Variants in DIS3L2 observed in about 807,000 individuals in gnomAD.
The protein encoded by DIS3L2 is DIS3-like exonuclease 2.
Under a neutral mutation model 97.5 loss-of-function variants are expected in DIS3L2, and 34 were observed. The observed-to-expected ratio is 0.35, with a 90% CI of 0.27 to 0.46. DIS3L2 has a LOEUF of 0.46. Ranked by LOEUF, DIS3L2 falls within the 20% of genes least tolerant of loss-of-function variation. The pLI is 1.00. For missense variants in DIS3L2, 1,038 were observed against 1,146.0 expected (o/e 0.91, Z 1.36); for synonymous variants, 435 against 445.2 (o/e 0.98, Z 0.29).
intron 11 of DIS3L2, among the ~76,000 whole-genome samples, chr2:232,245,006 G>A (rs1184243459): frequency 6.6e-6 from 1 of 152,212 alleles, no homozygotes; most frequent in Non-Finnish European, 1.5e-5. Flanking sequence ...GATAGTAGAA[G>A]TGAGGGAAAT....
At chr2:232,247,482 T>C (rs2106262200) in intron 11 of DIS3L2, among the ~76,000 whole-genome samples, 1 of 152,150 alleles carries the variant, frequency 6.6e-6, no homozygotes, top group East Asian at 1.9e-4. Flanking sequence ...TGTCTCTTTC[T>C]TGTCTTATAA....
intron 12 of DIS3L2, among the ~76,000 whole-genome samples, chr2:232,257,301 T>C (rs895243646): frequency 6.6e-6 from 1 of 152,156 alleles, no homozygotes; most frequent in Admixed American, 6.5e-5. Flanking sequence ...ACTAGGACCT[T>C]CCCTAGCAAG....
intron 5 of DIS3L2, among the ~76,000 whole-genome samples, chr2:232,030,634 A>G (rs1055829715): frequency 6.6e-6 from 1 of 152,168 alleles, no homozygotes; most frequent in Non-Finnish European, 1.5e-5. Context: ...GTCTCCATCT[A>G]TGTCTGTTAA....
In DIS3L2 at chr2:232,329,864, C is replaced by T. The variant is rs1394992351; in HGVS notation, c.1791C>T (p.Ile597=). 6.8e-7 allele frequency: 1 copy of T among 1,473,006 alleles called. No individual in the cohort carries two copies. Among genetic ancestry groups the T allele is most frequent in the Admixed American group, 1.9e-5 (1 of 54,046 alleles). 91.2% of individuals were successfully genotyped at this position (1,473,006 alleles called of 1,614,324 possible). The change falls in exon 15 of 21, where the codon ATC becomes ATT. Residue 597 remains isoleucine (I), a synonymous_variant. Transcript: ENST00000325385. ...CCAACATGGCAGTGGCCCACAAGAT[C>T]CACCGCGCCTTCCCCGAGCAGGCCC... ...LLANMAVAHK[I]HRAFPEQALL... is the part of the protein sequence containing the mutation.
At chr2:232,041,876 A>G (rs965241681) in intron 5 of DIS3L2, among the ~76,000 whole-genome samples, 5 of 152,210 alleles carry the variant, frequency 3.3e-5, no homozygotes, top group Non-Finnish European at 7.4e-5. Flanking sequence ...TTTCTCCCAC[A>G]TGTATTTGTG....
intron 5 of DIS3L2, among the ~76,000 whole-genome samples, chr2:232,072,899 G>A (rs1022978442): frequency 2.0e-5 from 3 of 151,236 alleles, no homozygotes; most frequent in African/African-American, 7.3e-5. Context: ...GACTGCACAG[G>A]GATTTTGGGC....
chr2:231,974,536 G>T (rs1693019720), intron 1 of DIS3L2, among the ~76,000 whole-genome samples: 1 of 142,116 alleles, frequency 7.0e-6, no homozygotes. Context: ...AGTTTAATTT[G>T]GATCTTTTTT....
intron 5 of DIS3L2, among the ~76,000 whole-genome samples, chr2:232,046,810 TTTTA>T (rs1278563216): frequency 5.3e-5 from 8 of 151,702 alleles, no homozygotes; most frequent in Middle Eastern, 3.4e-3. Flanking sequence ...GGGGAGATCA[TTTTA>T]TTTATTTATT....
Position 232,087,710 on chromosome 2 carries a change from T to C in DIS3L2, c.590T>C (p.Val197Ala). The change falls in exon 6 of 21, where the codon GTT becomes GCT. Residue 197 changes from valine (V) to alanine (A), a missense_variant. Val to Ala is a moderately conservative substitution (Grantham distance 64). This residue lies in a region of DIS3L2 where 813 missense variants were observed against 880.1 expected (regional missense o/e 0.92). Coordinates refer to ENST00000325385, the MANE Select transcript of DIS3L2 (RefSeq NM_152383.5). ...VDGVKKLSVC[V>A]SEKGREDGDA... ...GGTGTTAAGAAACTCTCAGTTTGTG[T>C]TTCTGAGAAAGGTGAGTACTAGACT... 6.2e-7 allele frequency: 1 copy of C among 1,613,904 alleles called. No individual in the cohort carries two copies. The highest frequency in any genetic ancestry group is 8.5e-7 in the Non-Finnish European group (1 of 1,179,806).
chr2:231,990,943 G>A (rs1457343510), intron 1 of DIS3L2, among the ~76,000 whole-genome samples: 1 of 152,042 alleles, frequency 6.6e-6, no homozygotes, highest in African/African-American at 2.4e-5. Context: ...TCAGAAGCGA[G>A]AGAAAGTTTA....
At chr2:232,030,633 T>C (rs1275081897) in intron 5 of DIS3L2, among the ~76,000 whole-genome samples, 1 of 152,214 alleles carries the variant, frequency 6.6e-6, no homozygotes, top group African/African-American at 2.4e-5. Context: ...GGTCTCCATC[T>C]ATGTCTGTTA....
At chr2:232,073,850 T>C (rs1696107578) in intron 5 of DIS3L2, among the ~76,000 whole-genome samples, 1 of 152,232 alleles carries the variant, frequency 6.6e-6, no homozygotes, top group African/African-American at 2.4e-5. Flanking sequence ...TAGATCCTGG[T>C]AGGTTTGAAT....
intron 5 of DIS3L2, among the ~76,000 whole-genome samples, chr2:232,067,230 T>G (rs796604069): frequency 1.8e-4 from 28 of 152,332 alleles, no homozygotes; most frequent in African/African-American, 6.5e-4. Flanking sequence ...AAGGTGAAGC[T>G]TGGCTAATTG....
downstream of DIS3L2, among the ~76,000 whole-genome samples, chr2:232,342,023 C>T (rs182555419): frequency 9.9e-4 from 151 of 152,088 alleles, no homozygotes; most frequent in African/African-American, 2.2e-3. Flanking sequence ...AAAATATAGA[C>T]GATAGATGAT....
chr2:232,298,026 T>G (rs1694763723), intron 13 of DIS3L2, among the ~76,000 whole-genome samples: 1 of 152,214 alleles, frequency 6.6e-6, no homozygotes, highest in Admixed American at 6.5e-5. Context: ...GTCTTTGTCC[T>G]TTTTTACATA....
At chr2:232,089,362 T>C (rs1696769436) in intron 6 of DIS3L2, among the ~76,000 whole-genome samples, 1 of 152,232 alleles carries the variant, frequency 6.6e-6, no homozygotes, top group African/African-American at 2.4e-5. Context: ...GTGGTTTCCC[T>C]GTTTAGAGCT....
intron 1 of DIS3L2, among the ~76,000 whole-genome samples, chr2:231,981,997 A>T (rs1053623405): frequency 2.6e-5 from 4 of 151,052 alleles, no homozygotes; most frequent in African/African-American, 9.8e-5. Flanking sequence ...GTGCCACTGC[A>T]CTCCAGTGTG....
In DIS3L2 at chr2:232,163,640, C is replaced by A; in HGVS notation, c.1124+8C>A. 1.2e-6 allele frequency: 2 copies of A among 1,611,770 alleles called. No homozygotes were observed. Among genetic ancestry groups the A allele is most frequent in the Non-Finnish European group, 1.7e-6 (2 of 1,179,554 alleles). ...CAAGAGAAGGGATTTAAGGTAAGCACCTGAAACCCTTTAAGAACGTATATC... is the reference window on the plus strand; with the variant it reads ...CAAGAGAAGGGATTTAAGGTAAGCAACTGAAACCCTTTAAGAACGTATATC... On this transcript the variant is annotated splice_region_variant and intron_variant, in intron 9 of 20. Coordinates refer to ENST00000325385, the MANE Select transcript of DIS3L2 (RefSeq NM_152383.5).
At chr2:232,029,946 C>A in intron 4 of DIS3L2, 33 bp from the exon 5 acceptor site, 1 of 1,497,354 alleles carries the variant, frequency 6.7e-7, no homozygotes, top group Non-Finnish European at 9.0e-7. Flanking sequence ...TGTTTTTAAG[C>A]TCACTATTGT....
Sources: allele counts gnomAD v4.1 joint callset (sites outside exome capture counted in the v4.1 genomes callset), GRCh38; gene constraint gnomAD v4.1.1; regional missense constraint gnomAD v4.1.1; transcripts MANE v1.5; gene names NCBI Gene and HGNC (gene_info 2026-07-23, HGNC 2026-07-21).